Variants in SHISA9 observed in about 807,000 individuals in gnomAD.
The protein encoded by SHISA9 is shisa family member 9.
In SHISA9, 13 loss-of-function variants were observed where a neutral mutation model predicts 38.0. That is an observed-to-expected ratio of 0.34 (90% CI 0.22 to 0.54). The LOEUF (loss-of-function observed/expected upper bound fraction) is 0.54. Ranked by LOEUF, SHISA9 falls within the 20% of genes least tolerant of loss-of-function variation. SHISA9 has a pLI of 0.91. For missense variants in SHISA9, 538 were observed against 575.8 expected, an observed-to-expected ratio of 0.93 and a Z score of 0.67; for synonymous variants, 275 against 242.0, an observed-to-expected ratio of 1.14 and a Z score of -1.27.
At chr16:13,534,597 C>G in the SHISA9 span, among the ~76,000 whole-genome samples, 33 of 152,282 alleles carry the variant, frequency 2.2e-4, no homozygotes, top group African/African-American at 6.0e-4. Context: ...TTTCAACCCT[C>G]TTTTTACAAG....
the SHISA9 span, among the ~76,000 whole-genome samples, chr16:13,284,683 C>A: frequency 6.6e-6 from 1 of 152,156 alleles, no homozygotes; most frequent in African/African-American, 2.4e-5. Context: ...CTGCAGCCTC[C>A]GCCTCCTGGG....
chr16:13,290,225 C>G, the SHISA9 span, among the ~76,000 whole-genome samples: 2 of 152,052 alleles, frequency 1.3e-5, no homozygotes, highest in Non-Finnish European at 2.9e-5. Context: ...TTGTTTAACA[C>G]TATGAAAGGG....
intron 2 of SHISA9, among the ~76,000 whole-genome samples, chr16:13,158,688 A>G (rs2050568411): frequency 6.6e-6 from 1 of 152,120 alleles, no homozygotes; most frequent in Non-Finnish European, 1.5e-5. Flanking sequence ...TGTTGGAGGG[A>G]GGCTCCATTT....
chr16:13,436,730 T>G, the SHISA9 span, among the ~76,000 whole-genome samples: 1 of 152,112 alleles, frequency 6.6e-6, no homozygotes, highest in African/African-American at 2.4e-5. Context: ...AAACCAACTT[T>G]AGGCACCTGT....
At chr16:13,050,137 A>G (rs2073233870) in intron 2 of SHISA9, among the ~76,000 whole-genome samples, 1 of 152,164 alleles carries the variant, frequency 6.6e-6, no homozygotes, top group South Asian at 2.1e-4. Context: ...AGTTTTTAAA[A>G]TGCATGGTTA....
chr16:13,169,714 G>A (rs1302336575), intron 2 of SHISA9, among the ~76,000 whole-genome samples: 3 of 152,120 alleles, frequency 2.0e-5, no homozygotes, highest in Admixed American at 6.5e-5. Context: ...GAGCAATGCC[G>A]TCTTTGTAGT....
At chr16:13,466,561 T>A in the SHISA9 span, among the ~76,000 whole-genome samples, 1 of 152,088 alleles carries the variant, frequency 6.6e-6, no homozygotes, top group Non-Finnish European at 1.5e-5. Flanking sequence ...AATGGGTAGT[T>A]GTTGTTGTTG....
the SHISA9 span, chr16:13,246,235 C>G: frequency 2.6e-5 from 4 of 152,062 alleles, no homozygotes; most frequent in Non-Finnish European, 5.9e-5. Flanking sequence ...TTTCCCCATA[C>G]TGTTTTCATG....
the SHISA9 span, among the ~76,000 whole-genome samples, chr16:13,304,015 TA>T: frequency 2.7e-4 from 40 of 150,714 alleles, no homozygotes; most frequent in Admixed American, 5.3e-4. Flanking sequence ...CATTGGAAAT[TA>T]AAAAAAAAAA....
At chr16:13,294,858 G>T in the SHISA9 span, among the ~76,000 whole-genome samples, 1 of 152,210 alleles carries the variant, frequency 6.6e-6, no homozygotes, top group Non-Finnish European at 1.5e-5. Flanking sequence ...GAGGGAGGAT[G>T]ACTGTGAATG....
At chr16:13,077,140 C>A (rs1022865348) in intron 2 of SHISA9, among the ~76,000 whole-genome samples, 1 of 152,144 alleles carries the variant, frequency 6.6e-6, no homozygotes, top group Admixed American at 6.5e-5. Context: ...CATTATTCCG[C>A]CTTTCACCCT....
intron 1 of SHISA9, among the ~76,000 whole-genome samples, chr16:12,907,204 C>CCCTCCCTT (rs2071112427): frequency 7.6e-6 from 1 of 131,964 alleles, no homozygotes; most frequent in African/African-American, 2.9e-5. Flanking sequence ...GTCCCTCCCT[C>CCCTCCCTT]CCTCCCTTCC....
intron 2 of SHISA9, among the ~76,000 whole-genome samples, chr16:13,107,067 G>T (rs144408396): frequency 6.6e-6 from 1 of 151,982 alleles, no homozygotes; most frequent in Non-Finnish European, 1.5e-5. Flanking sequence ...GACAAAGGGG[G>T]TGTTTTAAAA....
intron 2 of SHISA9, among the ~76,000 whole-genome samples, chr16:13,112,451 T>C (rs1041673857): frequency 1.5e-5 from 2 of 130,172 alleles, no homozygotes; most frequent in African/African-American, 6.1e-5. Context: ...ATTGGTTTTA[T>C]GGAGCTTTAC....
chr16:13,493,612 G>C, the SHISA9 span, among the ~76,000 whole-genome samples: 1 of 152,216 alleles, frequency 6.6e-6, no homozygotes, highest in Non-Finnish European at 1.5e-5. Context: ...TTCACTTGGA[G>C]ACTGTGATGG....
At chr16:12,940,453 C>T (rs2071595423) in intron 2 of SHISA9, among the ~76,000 whole-genome samples, 1 of 148,420 alleles carries the variant, frequency 6.7e-6, no homozygotes. Context: ...TCTCTTCTCA[C>T]CTCACTATGT....
intron 3 of SHISA9, among the ~76,000 whole-genome samples, chr16:13,208,734 T>G (rs1011324047): frequency 1.2e-4 from 19 of 152,230 alleles, no homozygotes; most frequent in Non-Finnish European, 2.9e-5. Flanking sequence ...GAATTATTCC[T>G]TCAGTTGTTC....
the SHISA9 span, among the ~76,000 whole-genome samples, chr16:13,364,611 G>A: frequency 6.6e-6 from 1 of 152,140 alleles, no homozygotes; most frequent in African/African-American, 2.4e-5. Flanking sequence ...TTATTAAATA[G>A]AAAATTCAAT....
At chr16:13,333,497 G>A in the SHISA9 span, among the ~76,000 whole-genome samples, 1 of 152,128 alleles carries the variant, frequency 6.6e-6, no homozygotes, top group Non-Finnish European at 1.5e-5. Context: ...GTCTGTTTTG[G>A]TGTCATGCAT....
Sources: gnomAD v4.1 joint callset for allele counts (sites outside exome capture counted in the v4.1 genomes callset) on GRCh38, gnomAD v4.1.1 for gene constraint, MANE v1.5 for transcripts, NCBI Gene and HGNC (gene_info 2026-07-23, HGNC 2026-07-21) for gene names.